The following FAM149B1 variants were observed in gnomAD, a reference collection of about 807,000 sequenced individuals.
The protein encoded by FAM149B1 is primary cilium assembly protein FAM149B1.
In FAM149B1, 56 loss-of-function variants were observed where a neutral mutation model predicts 75.3. The observed-to-expected ratio is 0.74, with a 90% CI of 0.60 to 0.93. FAM149B1 has a LOEUF of 0.93. FAM149B1 is among the 40% of genes least tolerant of loss of function. The probability of loss-of-function intolerance (pLI) is 0.00; values close to 1 mark genes in which losing one functional copy is unlikely to be tolerated. For synonymous variants in FAM149B1, 259 were observed against 256.1 expected, an observed-to-expected ratio of 1.01 and a Z score of -0.11; for missense variants, 639 against 708.4, an observed-to-expected ratio of 0.90 and a Z score of 1.11.
chr10:73,169,326 A>T (rs192607860), intron 1 of FAM149B1, among the ~76,000 whole-genome samples: 379 of 152,118 alleles, frequency 2.5e-3, no homozygotes, highest in African/African-American at 8.7e-3. Flanking sequence ...ACTCCGTCTC[A>T]AAATAAATAA....
intron 1 of FAM149B1, among the ~76,000 whole-genome samples, chr10:73,169,388 G>A (rs1039911667): frequency 1.3e-5 from 2 of 151,252 alleles, no homozygotes; most frequent in African/African-American, 2.4e-5. Context: ...CCGAAGTGGT[G>A]TATAATAATT....
At chr10:73,230,620 C>A in intron 9 of FAM149B1, 95 bp downstream of exon 9, 1 of 678,884 alleles carries the variant, frequency 1.5e-6, no homozygotes, top group South Asian at 1.7e-5. Flanking sequence ...GAGTGCCAAC[C>A]AAGCAACCAC....
chr10:73,227,758 C>T lies in FAM149B1; in HGVS notation c.899-302C>T, dbSNP rs148407384. ...TAGGAGGGTGGTGGCTACTACCACA[C>T]TGGACAGCACAGTTGTAAAATATTT... On this transcript the variant is annotated intron_variant, in intron 7 of 13. Transcript: ENST00000242505. 2.2e-3 allele frequency among the ~76,000 whole-genome samples: 333 copies of T among 152,314 alleles called. 1 individual carries two copies. Among genetic ancestry groups the T allele is most frequent in the Non-Finnish European group, 3.3e-3 (226 of 68,030 alleles).
chr10:73,171,754 G>A (rs536319449), intron 1 of FAM149B1, among the ~76,000 whole-genome samples: 26 of 151,228 alleles, frequency 1.7e-4, no homozygotes, highest in African/African-American at 4.9e-4. Flanking sequence ...TCAGCCTCCC[G>A]AGTAGCTGGG....
chr10:73,203,339 A>G (rs1272079336), intron 5 of FAM149B1, among the ~76,000 whole-genome samples: 1 of 152,178 alleles, frequency 6.6e-6, no homozygotes, highest in Non-Finnish European at 1.5e-5. Flanking sequence ...TGAGGTGGAT[A>G]TGTTGTTTTC....
intron 10 of FAM149B1, chr10:73,234,437 T>G (rs2043777183): frequency 5.0e-6 from 1 of 200,554 alleles, no homozygotes; most frequent in Non-Finnish European, 1.0e-5. Flanking sequence ...ACCCGAGAAC[T>G]ATAGTTATTA....
At chr10:73,218,678 G>A (rs2043345719) in intron 7 of FAM149B1, among the ~76,000 whole-genome samples, 1 of 152,098 alleles carries the variant, frequency 6.6e-6, no homozygotes, top group South Asian at 2.1e-4. Context: ...CTTTGTGTGA[G>A]TGAATACTCT....
chr10:73,220,443 CAT>C (rs373543210), intron 7 of FAM149B1, among the ~76,000 whole-genome samples: 11 of 152,092 alleles, frequency 7.2e-5, no homozygotes, highest in African/African-American at 2.2e-4. Flanking sequence ...GAACTGAAAA[CAT>C]ATATCCATAC....
rs967332490 is a variant in FAM149B1 at position 73,241,849 on chromosome 10, G to A, written c.*830G>A. 1 of 152,170 alleles carries A rather than the reference G, an allele frequency of 6.6e-6. No homozygotes were observed. The highest frequency in any genetic ancestry group is 2.1e-4 in the South Asian group (1 of 4,834). The allele number at this position is 152,170 out of a possible 1,614,324, so 9.4% of individuals were successfully genotyped here. On this transcript the variant is annotated 3_prime_UTR_variant, in exon 14 of 14. Coordinates refer to ENST00000242505, the MANE Select transcript of FAM149B1 (RefSeq NM_173348.2). ...ATTCCCTAAAAGTTTAAGAAACCCT[G>A]GCAATTAATTCAGCATAAACATATC...
chr10:73,210,121 T>G (rs1321602778), intron 6 of FAM149B1, 130 bp from the exon 7 acceptor site: 2 of 643,922 alleles, frequency 3.1e-6, no homozygotes, highest in Non-Finnish European at 5.4e-6. Flanking sequence ...CTATTTGGCC[T>G]TTGTCAAATT....
chr10:73,232,836 C>A (rs2043736830), intron 9 of FAM149B1, 103 bp from the exon 10 acceptor site: 1 of 678,948 alleles, frequency 1.5e-6, no homozygotes, highest in South Asian at 1.8e-5. Context: ...GCTTTATTTC[C>A]CCCTAAATGT....
chr10:73,235,190 C>T lies in FAM149B1; in HGVS notation c.1477-3C>T, dbSNP rs775694417. The T allele has an allele frequency of 5.6e-4, 868 of 1,551,560 alleles. 2 individuals carry two copies. The highest frequency in any genetic ancestry group is 7.1e-4 in the Non-Finnish European group (818 of 1,146,870). On this transcript the variant is annotated splice_region_variant and splice_polypyrimidine_tract_variant and intron_variant, in intron 11 of 13. Transcript: ENST00000242505. ...GTTTCTGTAACTTTTGTCTCCTCTG[C>T]AGAAACCCCATGGCGACTCTAGTCG... is the stretch of plus-strand genomic sequence containing the variant.
At chr10:73,234,576 G>A in intron 10 of FAM149B1, 1 of 463,640 alleles carries the variant, frequency 2.2e-6, no homozygotes. Flanking sequence ...TTCTGTGGGA[G>A]AGAAAAGGCC....
chr10:73,202,296 G>A (rs1332240079), intron 5 of FAM149B1, among the ~76,000 whole-genome samples: 2 of 152,002 alleles, frequency 1.3e-5, no homozygotes, highest in Non-Finnish European at 2.9e-5. Flanking sequence ...TCTTTTAATA[G>A]TTATAAAGGC....
rs1242836013 is a variant in FAM149B1 at position 73,230,585 on chromosome 10, A to G, written c.1127+60A>G. On this transcript the variant is annotated intron_variant, in intron 9 of 13. Coordinates refer to ENST00000242505, the MANE Select transcript of FAM149B1 (RefSeq NM_173348.2). ...AAAAGGGAAACAGAGGGAAAGCAAA[A>G]TCAGTTTATCAGTATGCATGTATTG... 9 of 937,438 alleles carry G rather than the reference A, an allele frequency of 9.6e-6. No individual in the cohort carries two copies. In the East Asian group the frequency reaches 1.6e-4, roughly 16 times the overall value. The allele number at this position is 937,438 out of a possible 1,614,324, so 58.1% of individuals were successfully genotyped here.
chr10:73,219,814 C>G (rs1242192472), intron 7 of FAM149B1, among the ~76,000 whole-genome samples: 1 of 151,990 alleles, frequency 6.6e-6, no homozygotes, highest in African/African-American at 2.4e-5. Flanking sequence ...CAGAAGAAAA[C>G]AAAGGAGTAA....
chr10:73,176,764 T>C (rs6480678), intron 2 of FAM149B1, among the ~76,000 whole-genome samples: 23,953 of 151,956 alleles, frequency 0.16, 3,149 homozygotes, highest in African/African-American at 0.34. Context: ...CGGTGGCTCA[T>C]GCCTGTAGTC....
At chr10:73,177,124 A>G (rs1426823636) in intron 2 of FAM149B1, among the ~76,000 whole-genome samples, 1 of 152,134 alleles carries the variant, frequency 6.6e-6, no homozygotes, top group Non-Finnish European at 1.5e-5. Flanking sequence ...GAATCACTTG[A>G]ACCCAGGAGG....
intron 5 of FAM149B1, among the ~76,000 whole-genome samples, chr10:73,199,193 C>CTTTTTT (rs1353596586): frequency 3.8e-4 from 45 of 118,624 alleles, no homozygotes; most frequent in African/African-American, 1.2e-3. Context: ...AACTGTTATC[C>CTTTTTT]TTTTTTGTTG....
Sources: allele counts gnomAD v4.1 joint callset (sites outside exome capture counted in the v4.1 genomes callset), GRCh38; gene constraint gnomAD v4.1.1; transcripts MANE v1.5; gene names NCBI Gene and HGNC (gene_info 2026-07-23, HGNC 2026-07-21).